Variants in NLGN4Y observed in about 807,000 individuals in gnomAD.
NLGN4Y encodes neuroligin 4 Y-linked, also known as neuroligin-4, Y-linked.
Under a neutral mutation model 8.4 loss-of-function variants are expected in NLGN4Y, and 4 were observed. The observed-to-expected ratio is 0.48, with a 90% CI of 0.23 to 1.09. The LOEUF is 1.09. NLGN4Y is among the 50% of genes least tolerant of loss of function. The pLI is 0.19. For synonymous variants in NLGN4Y, 35 were observed against 75.6 expected, an observed-to-expected ratio of 0.46 and a Z score of 2.78; for missense variants, 90 against 192.3, an observed-to-expected ratio of 0.47 and a Z score of 3.15.
intron 4 of NLGN4Y, among the ~76,000 whole-genome samples, chrY:14,787,514 G>C: frequency 3.0e-5 from 1 of 33,297 alleles, no homozygotes; most frequent in Non-Finnish European, 7.4e-5. Context: ...TGTTTGGAGG[G>C]TTTTAGAATA....
At chrY:14,703,655 G>A in intron 2 of NLGN4Y, among the ~76,000 whole-genome samples, 1 of 33,076 alleles carries the variant, frequency 3.0e-5, no homozygotes, top group South Asian at 6.8e-4. Context: ...CTCTTTTTTG[G>A]TTCCATATGA....
At chrY:14,543,434 G>A (rs2080157730) in intron 1 of NLGN4Y, among the ~76,000 whole-genome samples, 1 of 33,260 alleles carries the variant, frequency 3.0e-5, no homozygotes, top group Non-Finnish European at 7.4e-5. Context: ...TTTTAGAGTC[G>A]GAAAATTTAG....
At chrY:14,605,131 T>C in intron 1 of NLGN4Y, among the ~76,000 whole-genome samples, 1 of 32,553 alleles carries the variant, frequency 3.1e-5, no homozygotes, top group East Asian at 8.0e-4. Flanking sequence ...TGGTACACAA[T>C]AGGTAGTTTT....
chrY:14,725,617 A>G (rs1317160301), intron 4 of NLGN4Y, among the ~76,000 whole-genome samples: 2 of 34,010 alleles, frequency 5.9e-5, no homozygotes, highest in Non-Finnish European at 1.5e-4. Flanking sequence ...GTTCCTAAAA[A>G]TTAATATCAA....
rs374971999 is a variant in NLGN4Y, at chrY:14,586,600, C to T, written c.-111-35409C>T. The stretch of plus-strand genomic sequence containing the variant: ...ATCCCAGCGCTTTCGGAGGCTGAGG[C>T]GGGCAGATCATGAGGTCAGGTGATT... On this transcript the variant is annotated intron_variant, in intron 1 of 6. Transcript: ENST00000684976. Among the ~76,000 whole-genome samples the T allele has an allele frequency of 1.8e-3, 59 of 32,218 alleles. No individual in the cohort carries two copies. The East Asian group carries it at 0.044, about 24-fold the overall frequency. The allele number at this position is 32,218 out of a possible 37,273, so 86.4% of individuals were successfully genotyped here.
At chrY:14,597,416 TG>T (rs2080406338) in intron 1 of NLGN4Y, among the ~76,000 whole-genome samples, 3 of 33,054 alleles carry the variant, frequency 9.1e-5, no homozygotes, top group Non-Finnish European at 1.5e-4. Flanking sequence ...TCCTGCTGAT[TG>T]GTAGAGCCGA....
At chrY:14,686,328 T>C (rs2080791333) in intron 2 of NLGN4Y, among the ~76,000 whole-genome samples, 1 of 33,100 alleles carries the variant, frequency 3.0e-5, no homozygotes, top group Non-Finnish European at 7.5e-5. Context: ...TGATGCTTCT[T>C]ACCTGCTTGA....
At chrY:14,586,436 C>T in intron 1 of NLGN4Y, among the ~76,000 whole-genome samples, 3 of 33,377 alleles carry the variant, frequency 9.0e-5, no homozygotes, top group Non-Finnish European at 2.2e-4. Flanking sequence ...GCTGGGGTCA[C>T]AGGTGGTGGA....
At chrY:14,621,584 A>G (rs2080508165) in intron 1 of NLGN4Y, among the ~76,000 whole-genome samples, 1 of 33,302 alleles carries the variant, frequency 3.0e-5, no homozygotes, top group Admixed American at 2.8e-4. Flanking sequence ...CAACACTTTG[A>G]AAGTTTGATT....
chrY:14,593,856 C>T (rs771987456), intron 1 of NLGN4Y, among the ~76,000 whole-genome samples: 11 of 33,504 alleles, frequency 3.3e-4, no homozygotes, highest in African/African-American at 1.3e-3. Flanking sequence ...GGTTGATTCC[C>T]TCCTCAAGTA....
chrY:14,549,572 G>T, intron 1 of NLGN4Y, among the ~76,000 whole-genome samples: 2 of 32,858 alleles, frequency 6.1e-5, no homozygotes. Flanking sequence ...TTCTTTTCAG[G>T]CTCTCTTCAA....
rs753039312 is a variant in NLGN4Y at position 14,806,042 on chromosome Y, T to G, written c.686-18146T>G. 1.2e-4 allele frequency among the ~76,000 whole-genome samples: 4 copies of G among 33,715 alleles called. No homozygotes were observed. In the East Asian group the frequency reaches 3.1e-3, roughly 27 times the overall value. 90.5% of individuals were successfully genotyped at this position (33,715 alleles called of 37,273 possible). ...CTGTAGTGCCAGCTACTCAGGAGACTGAGGCCGGAGAATGACATGAACCCG... is the reference window on the plus strand; with the variant it reads ...CTGTAGTGCCAGCTACTCAGGAGACGGAGGCCGGAGAATGACATGAACCCG... On this transcript the variant is annotated intron_variant, in intron 4 of 6. Coordinates refer to ENST00000684976, the MANE Select transcript of NLGN4Y (RefSeq NM_001365588.1).
chrY:14,707,845 A>G, intron 2 of NLGN4Y, among the ~76,000 whole-genome samples: 1 of 33,557 alleles, frequency 3.0e-5, no homozygotes, highest in Non-Finnish European at 7.4e-5. Flanking sequence ...TACAGTCTTT[A>G]GATTCATTTT....
chrY:14,533,882 G>A, intron 1 of NLGN4Y, among the ~76,000 whole-genome samples: 1 of 33,058 alleles, frequency 3.0e-5, no homozygotes, highest in Non-Finnish European at 7.4e-5. Flanking sequence ...TGCTGAGAAT[G>A]ATGGTTTCCA....
intron 1 of NLGN4Y, among the ~76,000 whole-genome samples, chrY:14,604,926 A>AT (rs2080441794): frequency 3.0e-5 from 1 of 33,361 alleles, no homozygotes; most frequent in African/African-American, 1.2e-4. Context: ...ACAGTGGTTC[A>AT]TTTTTTTGTG....
At chrY:14,829,617 A>G in intron 5 of NLGN4Y, 113 bp from the exon 6 acceptor site, 1 of 257,132 alleles carries the variant, frequency 3.9e-6, no homozygotes, top group South Asian at 3.7e-5. Context: ...GCTGAATGCT[A>G]CTACATCCAG....
At chrY:14,549,068 G>A (rs2080182395) in intron 1 of NLGN4Y, among the ~76,000 whole-genome samples, 3 of 32,255 alleles carry the variant, frequency 9.3e-5, no homozygotes, top group Non-Finnish European at 1.5e-4. Context: ...TTGCCTATAT[G>A]TTCTGCCCAA....
At chrY:14,592,713 C>A in intron 1 of NLGN4Y, among the ~76,000 whole-genome samples, 1 of 33,346 alleles carries the variant, frequency 3.0e-5, no homozygotes, top group African/African-American at 1.2e-4. Flanking sequence ...GTTGAAACAA[C>A]TCTGTTCCCT....
intron 1 of NLGN4Y, among the ~76,000 whole-genome samples, chrY:14,536,948 G>C (rs929570816): frequency 8.9e-5 from 3 of 33,525 alleles, no homozygotes; most frequent in Non-Finnish European, 1.5e-4. Flanking sequence ...GGACAGATTT[G>C]ACTGGTGTCA....
Sources: allele counts gnomAD v4.1 joint callset (sites outside exome capture counted in the v4.1 genomes callset), GRCh38; gene constraint gnomAD v4.1.1; transcripts MANE v1.5; gene names NCBI Gene and HGNC (gene_info 2026-07-23, HGNC 2026-07-21).